The following ZNF528 variants were observed in gnomAD, a reference collection of about 807,000 sequenced individuals.
ZNF528 encodes the protein zinc finger protein 528.
In ZNF528, 9 loss-of-function variants were observed where a neutral mutation model predicts 13.3. The ratio of observed to expected loss-of-function variants is 0.67; its 90% CI spans 0.41 to 1.18. The LOEUF is 1.18. Among genes scored for constraint, ZNF528 ranks in the 50% most tolerant of loss-of-function variants. The probability of loss-of-function intolerance (pLI) is 0.01; values close to 1 mark genes in which losing one functional copy is unlikely to be tolerated. For synonymous variants in ZNF528, 264 were observed against 254.3 expected (o/e 1.04, Z -0.36); for missense variants, 858 against 745.4 (o/e 1.15, Z -1.76).
At chr19:52,415,075 A>C (rs2058982129) in intron 6 of ZNF528, 49 bp from the exon 7 acceptor site, 2 of 1,611,970 alleles carry the variant, frequency 1.2e-6, no homozygotes, top group East Asian at 4.5e-5. Flanking sequence ...CAGACACTAA[A>C]GATGCCATTA....
intron 2 of ZNF528, among the ~76,000 whole-genome samples, chr19:52,401,427 G>GA (rs1485164435): frequency 6.6e-6 from 1 of 152,174 alleles, no homozygotes; most frequent in East Asian, 1.9e-4. Context: ...TGAGGAAATA[G>GA]ATTGTTTCAA....
At position 52,416,187 on chromosome 19, in the gene ZNF528, G is replaced by A. The variant is rs541856260; in HGVS notation, c.1335G>A (p.Ala445=). The part of the protein sequence containing the change: ...KPYKCNKCGT[A]FREFSDLTAH... ...ACAAATGTAATAAATGTGGCACAGC[G>A]TTTAGAGAGTTTTCAGACCTTACTG... The change falls in exon 7 of 7, where the codon GCG becomes GCA. Residue 445 remains alanine (A), a synonymous_variant. Coordinates refer to ENST00000360465, the MANE Select transcript of ZNF528 (RefSeq NM_032423.3). 17 of 1,613,686 alleles carry A rather than the reference G, an allele frequency of 1.1e-5. No individual in the cohort carries two copies. Among genetic ancestry groups the A allele is most frequent in the African/African-American group, 5.3e-5 (4 of 74,968 alleles).
chr19:52,409,757 CA>C (rs1406852478), intron 6 of ZNF528, among the ~76,000 whole-genome samples: 6 of 151,856 alleles, frequency 4.0e-5, no homozygotes, highest in Non-Finnish European at 7.4e-5. Flanking sequence ...CTCTGTTACC[CA>C]GGGGCTGGAG....
In ZNF528 at chr19:52,402,046, G is replaced by A. The variant is rs777301209; in HGVS notation, c.15+18G>A. The A allele has an allele frequency of 1.2e-6, 2 of 1,614,202 alleles. No homozygotes were observed. The highest frequency in any genetic ancestry group is 1.1e-5 in the South Asian group (1 of 91,086). ...TTACTCAGGTAAGGTAATGTTCTCA[G>A]TGGATTGTTCTGTCTCTGTTTCTTC... On this transcript the variant is annotated intron_variant, in intron 4 of 6. Coordinates refer to ENST00000360465, the MANE Select transcript of ZNF528 (RefSeq NM_032423.3).
intron 6 of ZNF528, chr19:52,412,187 A>G (rs1013593155): frequency 5.3e-5 from 8 of 152,158 alleles, no homozygotes; most frequent in Non-Finnish European, 5.9e-5. Flanking sequence ...TTCTCCTTTT[A>G]TGAAGATGGG....
intron 6 of ZNF528, chr19:52,413,147 A>G (rs961092466): frequency 6.6e-6 from 1 of 152,158 alleles, no homozygotes; most frequent in African/African-American, 2.4e-5. Context: ...CTCATCTGGA[A>G]TTGTGGCCCA....
Position 52,416,027 on chromosome 19 carries a change from G to A in ZNF528, c.1175G>A (p.Arg392His), listed in dbSNP as rs371372775. 53 of 1,613,932 alleles carry A rather than the reference G, an allele frequency of 3.3e-5. No homozygotes were observed. The highest frequency in any genetic ancestry group is 1.6e-4 in the Middle Eastern group (1 of 6,084). Reference sequence around the variant, plus strand: ...AAAGAATGTGACAAGGTCTTTGGGCGCAAGTGTTTCCTGACCTCTCATCAG... The same window carrying A: ...AAAGAATGTGACAAGGTCTTTGGGCACAAGTGTTTCCTGACCTCTCATCAG... ...KCKECDKVFGRKCFLTSHQRI... is the reference protein window; with the variant it reads ...KCKECDKVFGHKCFLTSHQRI... Residue 392 changes from arginine to histidine, a missense_variant, in exon 7 of 7, where the codon CGC (arginine) becomes CAC (histidine). Coordinates refer to ENST00000360465, the MANE Select transcript of ZNF528 (RefSeq NM_032423.3).
Position 52,415,763 on chromosome 19 carries a change from A to G in ZNF528, c.911A>G (p.Lys304Arg). ...EKPYKCHECD[K>R]VFNQIAHLVR... ...CCTTACAAATGTCATGAATGTGACA[A>G]GGTCTTCAATCAAATTGCACACCTT... Residue 304 changes from lysine (K) to arginine (R), a missense_variant, in exon 7 of 7, where the codon AAG becomes AGG. By Grantham distance (26) the Lys-to-Arg change is conservative (BLOSUM62 2). Transcript: ENST00000360465. The G allele has an allele frequency of 6.2e-7, 1 of 1,614,144 alleles. No individual in the cohort carries two copies. Among genetic ancestry groups the G allele is most frequent in the East Asian group, 2.2e-5 (1 of 44,814 alleles).
intron 6 of ZNF528, chr19:52,414,483 T>G: frequency 1.7e-6 from 1 of 586,562 alleles, no homozygotes; most frequent in Non-Finnish European, 3.0e-6. Context: ...GAGGGGGTGG[T>G]TATTGGTCAG....
At chr19:52,407,573 C>T (rs918802743) in intron 6 of ZNF528, among the ~76,000 whole-genome samples, 4 of 151,754 alleles carry the variant, frequency 2.6e-5, no homozygotes, top group Admixed American at 6.6e-5. Context: ...GCCAGGAGTC[C>T]GAGACCAGCC....
rs370225195 is a variant in ZNF528 at position 52,413,022 on chromosome 19, T to C, written c.272-2102T>C. 17 of 152,334 alleles carry C rather than the reference T, an allele frequency of 1.1e-4. No individual in the cohort carries two copies. In the East Asian group the frequency reaches 2.9e-3, roughly 26 times the overall value. The allele number at this position is 152,334 out of a possible 1,614,324, so 9.4% of individuals were successfully genotyped here. The stretch of plus-strand genomic sequence containing the variant: ...GCTAAAGTTAAGGTTAGCATTTCTG[T>C]GGCAGTGGCATGAGGAATCTGACGC... On this transcript the variant is annotated intron_variant, in intron 6 of 6. Coordinates refer to ENST00000360465, the MANE Select transcript of ZNF528 (RefSeq NM_032423.3).
chr19:52,417,058 G>A lies in ZNF528; in HGVS notation c.*319G>A, dbSNP rs2059013578. On this transcript the variant is annotated 3_prime_UTR_variant, in exon 7 of 7. Coordinates refer to ENST00000360465, the MANE Select transcript of ZNF528 (RefSeq NM_032423.3). The stretch of plus-strand genomic sequence containing the variant: ...GCAGAATAATGCTAAGTCAAAATAT[G>A]TTGAATCTCATGACCTGATGTATAT... 1 of 295,612 alleles carries A rather than the reference G, an allele frequency of 3.4e-6. No individual in the cohort carries two copies. Among genetic ancestry groups the A allele is most frequent in the Non-Finnish European group, 6.4e-6 (1 of 157,280 alleles). 18.3% of individuals were successfully genotyped at this position (295,612 alleles called of 1,614,324 possible). A position where few individuals can be genotyped will look rare whatever the true frequency, so the allele number is the denominator to read the frequency against.
In ZNF528 at chr19:52,406,608, CAGACGGCAGGGAGTGCATCAAAGGTGT is replaced by C. The variant is rs1469130381; in HGVS notation, c.237_263del (p.Asp80_Val88del). ...AGTGAAGAGAAAATAGCAAACGATC[CAGACGGCAGGGAGTGCATCAAAGGTGT>C]GAACACAGGTGAGAGCTCGGGTGGG... On this transcript the variant is annotated inframe_deletion, in exon 6 of 7. Transcript: ENST00000360465. 6.2e-7 allele frequency: 1 copy of C among 1,613,848 alleles called. No homozygotes were observed. The highest frequency in any genetic ancestry group is 8.5e-7 in the Non-Finnish European group (1 of 1,179,962).
At chr19:52,409,615 T>TTTTG (rs923473664) in intron 6 of ZNF528, among the ~76,000 whole-genome samples, 3 of 152,156 alleles carry the variant, frequency 2.0e-5, no homozygotes, top group African/African-American at 7.2e-5. Context: ...ATTTGGGTTT[T>TTTTG]TTTGTTTGTT....
intron 4 of ZNF528, chr19:52,402,285 GTC>G: frequency 1.7e-6 from 1 of 606,040 alleles, no homozygotes; most frequent in African/African-American, 1.8e-5. Flanking sequence ...CGGGGTGTGG[GTC>G]CCGTGGTGGC....
At chr19:52,412,961 A>G (rs1421284219) in intron 6 of ZNF528, 1 of 152,222 alleles carries the variant, frequency 6.6e-6, no homozygotes, top group African/African-American at 2.4e-5. Flanking sequence ...TACAGGTGCC[A>G]GTGCACATTT....
At position 52,416,673 on chromosome 19, in the gene ZNF528, C is replaced by T. The variant is rs151288951; in HGVS notation, c.1821C>T (p.Cys607=). The T allele has an allele frequency of 7.0e-4, 1,135 of 1,613,778 alleles. No homozygotes were observed. Among genetic ancestry groups the T allele is most frequent in the Non-Finnish European group, 8.7e-4 (1,027 of 1,179,660 alleles). The part of the protein sequence containing the change: ...RIHIGEKPYK[C]TLCSKVFSHN... ...ACATTGGAGAGAAACCTTACAAATG[C>T]ACCCTGTGCAGTAAGGTCTTCAGTC... Residue 607 remains cysteine, a synonymous_variant, in exon 7 of 7, where the codon TGC becomes TGT. Coordinates refer to ENST00000360465, the MANE Select transcript of ZNF528 (RefSeq NM_032423.3).
At position 52,415,610 on chromosome 19, in the gene ZNF528, A is replaced by G. The variant is rs200087002; in HGVS notation, c.758A>G (p.Asn253Ser). The G allele has an allele frequency of 5.2e-4, 847 of 1,613,874 alleles. No homozygotes were observed. The highest frequency in any genetic ancestry group is 6.9e-4 in the Non-Finnish European group (810 of 1,179,986). The change falls in exon 7 of 7, where the codon AAT becomes AGT. Residue 253 changes from asparagine to serine, a missense_variant. Asn to Ser is a conservative substitution (Grantham distance 46). Transcript: ENST00000360465. ...CHECGKLFSS[N>S]SNLSQHQRIH... ...GAATGTGGCAAGCTCTTCAGTAGCAATTCAAACCTTTCACAACATCAAAGA... is the reference window on the plus strand; with the variant it reads ...GAATGTGGCAAGCTCTTCAGTAGCAGTTCAAACCTTTCACAACATCAAAGA...
In ZNF528 at chr19:52,414,181, C is replaced by G. The variant is rs1470792846; in HGVS notation, c.272-943C>G. 4.3e-6 allele frequency: 3 copies of G among 702,240 alleles called. No individual in the cohort carries two copies. The South Asian group carries it at 4.4e-5, about 10-fold the overall frequency. The allele number at this position is 702,240 out of a possible 1,614,324, so 43.5% of individuals were successfully genotyped here. ...CTGCCAGCCGACTCATCCAGGTTTC[C>G]CCATTCACCTTGTGAATTTCAGTTC... On this transcript the variant is annotated intron_variant, in intron 6 of 6. Transcript: ENST00000360465.
Sources: allele counts gnomAD v4.1 joint callset (sites outside exome capture counted in the v4.1 genomes callset), GRCh38; gene constraint gnomAD v4.1.1; transcripts MANE v1.5; gene names NCBI Gene and HGNC (gene_info 2026-07-23, HGNC 2026-07-21).